CDYL: variants seen among roughly 807,000 people sequenced by gnomAD.
CDYL encodes the protein chromodomain Y like.
CDYL carries 8 observed loss-of-function variants against 47.3 expected under a neutral mutation model. The ratio of observed to expected loss-of-function variants is 0.17; its 90% CI spans 0.10 to 0.31. The LOEUF is 0.31. Among genes scored for constraint, CDYL ranks in the 10% least tolerant of loss-of-function variants. CDYL has a pLI of 1.00. For missense variants in CDYL, 471 were observed against 701.4 expected, an observed-to-expected ratio of 0.67 and a Z score of 3.71; for synonymous variants, 266 against 265.0, an observed-to-expected ratio of 1.00 and a Z score of -0.04.
intron 3 of CDYL, among the ~76,000 whole-genome samples, chr6:4,741,544 C>A (rs1046051030): frequency 2.0e-5 from 3 of 152,160 alleles, no homozygotes; most frequent in Admixed American, 1.3e-4. Context: ...GAAGCTCCCC[C>A]AGAACATCCC....
At chr6:4,807,241 C>G (rs1287465437) in intron 1 of CDYL, among the ~76,000 whole-genome samples, 2 of 152,178 alleles carry the variant, frequency 1.3e-5, no homozygotes, top group Non-Finnish European at 2.9e-5. Flanking sequence ...TCAGCCCATA[C>G]ATTTCAGTGG....
chr6:4,712,603 G>A (rs575512399), intron 1 of CDYL, among the ~76,000 whole-genome samples: 3 of 152,334 alleles, frequency 2.0e-5, no homozygotes, highest in African/African-American at 7.2e-5. Flanking sequence ...CTCATGCCCT[G>A]TGTCTTTCCA....
intron 1 of CDYL, among the ~76,000 whole-genome samples, chr6:4,709,439 G>A (rs531980270): frequency 6.6e-6 from 1 of 152,130 alleles, no homozygotes; most frequent in Non-Finnish European, 1.5e-5. Context: ...CTTGTGATCC[G>A]CCTGCCTCGG....
intron 3 of CDYL, among the ~76,000 whole-genome samples, chr6:4,755,765 A>G (rs1165834569): frequency 6.6e-6 from 1 of 152,220 alleles, no homozygotes; most frequent in Non-Finnish European, 1.5e-5. Flanking sequence ...TTTACCTATT[A>G]GGAAATTGGA....
intron 5 of CDYL, among the ~76,000 whole-genome samples, chr6:4,947,345 A>G (rs1208620928): frequency 2.0e-5 from 3 of 152,200 alleles, no homozygotes; most frequent in East Asian, 3.9e-4. Flanking sequence ...AGAAGCGCCT[A>G]TACCAAGTTC....
chr6:4,924,807 A>G (rs1316130814), intron 2 of CDYL, among the ~76,000 whole-genome samples: 1 of 152,252 alleles, frequency 6.6e-6, no homozygotes, highest in African/African-American at 2.4e-5. Flanking sequence ...AAAATCATGC[A>G]ATAAAAGCTA....
At chr6:4,872,063 A>T (rs1330048646) in intron 1 of CDYL, among the ~76,000 whole-genome samples, 1 of 152,162 alleles carries the variant, frequency 6.6e-6, no homozygotes, top group Non-Finnish European at 1.5e-5. Context: ...CAAGTGTATC[A>T]GTGTGTGGTT....
intron 3 of CDYL, among the ~76,000 whole-genome samples, chr6:4,748,727 A>C (rs1445540882): frequency 2.0e-5 from 3 of 152,062 alleles, no homozygotes; most frequent in Non-Finnish European, 2.9e-5. Context: ...AATCTTGGCA[A>C]ACTGTAAAAC....
rs1298104602 is a variant in CDYL at position 4,866,355 on chromosome 6, A to AT, written c.25-25351dup. Reference sequence around the variant, plus strand: ...CAAGTGCAAAAGTGGTTATTTATTTATTTTTTTAAAAGTGGCAGTTTATCA... The same window carrying AT: ...CAAGTGCAAAAGTGGTTATTTATTTATTTTTTTTAAAAGTGGCAGTTTATCA... On this transcript the variant is annotated intron_variant, in intron 1 of 6. Transcript: ENST00000397588. Among the ~76,000 whole-genome samples, 3 of 152,256 alleles carry AT rather than the reference A, an allele frequency of 2.0e-5. No homozygotes were observed. The East Asian group carries it at 5.8e-4, about 29-fold the overall frequency.
At chr6:4,925,097 CTGTT>C (rs1757827815) in intron 2 of CDYL, among the ~76,000 whole-genome samples, 3 of 152,242 alleles carry the variant, frequency 2.0e-5, no homozygotes. Context: ...GGGTGGGTGG[CTGTT>C]TGAGTGTGTT....
intron 3 of CDYL, among the ~76,000 whole-genome samples, chr6:4,760,586 G>A (rs978828459): frequency 3.3e-5 from 5 of 152,118 alleles, no homozygotes; most frequent in African/African-American, 1.2e-4. Flanking sequence ...AAGGCTTCCC[G>A]AAGCAGAGGA....
intron 1 of CDYL, among the ~76,000 whole-genome samples, chr6:4,862,583 C>T (rs1209493355): frequency 2.0e-5 from 3 of 152,318 alleles, no homozygotes; most frequent in East Asian, 1.9e-4. Context: ...AAGCTCCCTA[C>T]CTTTGGGGGC....
At chr6:4,857,643 G>A (rs1290617998) in intron 1 of CDYL, among the ~76,000 whole-genome samples, 1 of 152,170 alleles carries the variant, frequency 6.6e-6, no homozygotes, top group African/African-American at 2.4e-5. Flanking sequence ...CTGATAGGCA[G>A]GTCTCCAGGG....
rs11961852 is a variant in CDYL, at chr6:4,933,567, G to T, written c.692-1948G>T. Among the ~76,000 whole-genome samples, 432 of 152,278 alleles carry T rather than the reference G, an allele frequency of 2.8e-3. 2 individuals are homozygous for T. Among genetic ancestry groups the T allele is most frequent in the African/African-American group, 7.7e-3 (321 of 41,570 alleles). On this transcript the variant is annotated intron_variant, in intron 2 of 6. Transcript: ENST00000397588. The stretch of plus-strand genomic sequence containing the variant: ...AGGCCGTGATGGGACTGAGACTGGA[G>T]GAACAGATTAGAGAGGGTTCCTGAG...
At chr6:4,789,788 G>A (rs1415721749) in intron 1 of CDYL, among the ~76,000 whole-genome samples, 2 of 152,160 alleles carry the variant, frequency 1.3e-5, no homozygotes, top group Non-Finnish European at 2.9e-5. Context: ...ACCTGCCCCT[G>A]GGTAGGGCCC....
At chr6:4,756,573 C>CGTGTGTCTGTGT (rs1228739911) in intron 3 of CDYL, among the ~76,000 whole-genome samples, 111 of 125,278 alleles carry the variant, frequency 8.9e-4, no homozygotes, top group African/African-American at 3.7e-3. Flanking sequence ...TTAAAATTAT[C>CGTGTGTCTGTGT]GTGTGTATGT....
chr6:4,712,097 A>C (rs544345644), intron 1 of CDYL, among the ~76,000 whole-genome samples: 7 of 152,150 alleles, frequency 4.6e-5, no homozygotes, highest in African/African-American at 1.7e-4. Context: ...GAAAAAATAT[A>C]TAACAGTTAA....
chr6:4,883,266 C>A (rs808623), intron 1 of CDYL, among the ~76,000 whole-genome samples: 3,435 of 152,228 alleles, frequency 0.023, 129 homozygotes, highest in African/African-American at 0.078. Flanking sequence ...CATTAATGAT[C>A]CTTGTCATTC....
intron 2 of CDYL, among the ~76,000 whole-genome samples, chr6:4,919,601 GT>G (rs1196777781): frequency 6.6e-6 from 1 of 152,118 alleles, no homozygotes; most frequent in Non-Finnish European, 1.5e-5. Context: ...AATTCTTCGA[GT>G]TTTCAGGTTA....
Sources: allele counts gnomAD v4.1 joint callset (sites outside exome capture counted in the v4.1 genomes callset), GRCh38; gene constraint gnomAD v4.1.1; transcripts MANE v1.5; gene names NCBI Gene and HGNC (gene_info 2026-07-23, HGNC 2026-07-21).